The following OSGIN2 variants were observed in gnomAD, a reference collection of about 807,000 sequenced individuals.
OSGIN2 encodes oxidative stress-induced growth inhibitor 2.
Under a neutral mutation model 53.8 loss-of-function variants are expected in OSGIN2, and 19 were observed. The ratio of observed to expected loss-of-function variants is 0.35; its 90% CI spans 0.25 to 0.52. OSGIN2 has a LOEUF of 0.52. OSGIN2 is among the 20% of genes least tolerant of loss of function. The probability of loss-of-function intolerance (pLI) is 0.95; values close to 1 mark genes in which losing one functional copy is unlikely to be tolerated. For synonymous variants in OSGIN2, 236 were observed against 236.0 expected (o/e 1.00, Z 0.00); for missense variants, 520 against 662.7 (o/e 0.78, Z 2.36).
At chr8:89,913,984 G>C in intron 2 of OSGIN2, 93 bp from the exon 3 acceptor site, 1 of 1,030,494 alleles carries the variant, frequency 9.7e-7, no homozygotes, top group Non-Finnish European at 1.5e-6. Flanking sequence ...GAACTGGTCA[G>C]AGAAAAGAGC....
At chr8:89,902,962 C>G in intron 1 of OSGIN2, 125 bp downstream of exon 1, 3 of 274,666 alleles carry the variant, frequency 1.1e-5, no homozygotes, top group East Asian at 1.6e-4. Context: ...CCTCCCGCCT[C>G]GGCCGTCCTG....
chr8:89,915,576 C>T (rs977151915), intron 4 of OSGIN2, among the ~76,000 whole-genome samples: 2 of 152,168 alleles, frequency 1.3e-5, no homozygotes, highest in Admixed American at 6.5e-5. Context: ...AATAATTGTT[C>T]ATCCTTCCTG....
At chr8:89,905,443 ACT>A (rs1334708811) in intron 1 of OSGIN2, among the ~76,000 whole-genome samples, 2 of 152,230 alleles carry the variant, frequency 1.3e-5, no homozygotes, top group Admixed American at 1.3e-4. Flanking sequence ...AGAGATTAAC[ACT>A]GTTCATAGAC....
At position 89,925,032 on chromosome 8, in the gene OSGIN2, T is replaced by C. The variant is rs1226554282; in HGVS notation, c.1150T>C (p.Leu384=). The change falls in exon 6 of 6, where the codon TTA becomes CTA. Residue 384 remains leucine (L), a synonymous_variant. Transcript: ENST00000451899. ...TCGCAGACGAGTAACTGATCCAAGC[T>C]TAATTTTCAAACAGCTTCCCAAAAA... ...VFRRRVTDPS[L]IFKQLPKKLY... is the part of the protein sequence containing the mutation. 6.2e-7 allele frequency: 1 copy of C among 1,613,766 alleles called. No individual in the cohort carries two copies. The highest frequency in any genetic ancestry group is 1.7e-5 in the Admixed American group (1 of 60,010).
intron 1 of OSGIN2, among the ~76,000 whole-genome samples, chr8:89,904,379 A>G (rs1227007269): frequency 6.6e-6 from 1 of 152,250 alleles, no homozygotes; most frequent in Non-Finnish European, 1.5e-5. Context: ...TGCCGTGCAC[A>G]GAAATTTGGA....
intron 3 of OSGIN2, 84 bp from the exon 4 acceptor site, chr8:89,914,471 T>A: frequency 9.8e-7 from 1 of 1,017,558 alleles, no homozygotes; most frequent in South Asian, 1.6e-5. Flanking sequence ...CTTTTTATCA[T>A]TGGAGCATCA....
chr8:89,920,985 T>G (rs753135687), intron 4 of OSGIN2, 95 bp from the exon 5 acceptor site: 31 of 731,596 alleles, frequency 4.2e-5, no homozygotes, highest in Non-Finnish European at 6.9e-5. Context: ...TCATAATTAT[T>G]GTAAATGAGA....
chr8:89,906,658 G>C (rs141452014), intron 1 of OSGIN2, among the ~76,000 whole-genome samples: 2,455 of 152,182 alleles, frequency 0.016, 64 homozygotes, highest in African/African-American at 0.056. Flanking sequence ...TATGTACCAT[G>C]TTTTCTTTAT....
At position 89,921,181 on chromosome 8, in the gene OSGIN2, G is replaced by C; in HGVS notation, c.620+10G>C. The C allele has an allele frequency of 2.7e-6, 4 of 1,485,758 alleles. No homozygotes were observed. Among genetic ancestry groups the C allele is most frequent in the Non-Finnish European group, 3.7e-6 (4 of 1,082,952 alleles). 92.0% of individuals were successfully genotyped at this position (1,485,758 alleles called of 1,614,324 possible). A position where few individuals can be genotyped will look rare whatever the true frequency, so the allele number is the denominator to read the frequency against. On this transcript the variant is annotated intron_variant, in intron 5 of 5. Transcript: ENST00000451899. ...TATCAAGTAAACGAAGGTAAAGATTGAACTGTATTAAAATTCTTTGGTGTA... is the reference window on the plus strand; with the variant it reads ...TATCAAGTAAACGAAGGTAAAGATTCAACTGTATTAAAATTCTTTGGTGTA...
chr8:89,902,553 G>C (rs1808740312), upstream of OSGIN2: 1 of 153,158 alleles, frequency 6.5e-6, no homozygotes, highest in South Asian at 2.1e-4. Flanking sequence ...CTATCGCGGC[G>C]CCCCGAGATC....
At chr8:89,918,879 T>C (rs1809137886) in intron 4 of OSGIN2, among the ~76,000 whole-genome samples, 1 of 152,214 alleles carries the variant, frequency 6.6e-6, no homozygotes, top group Admixed American at 6.5e-5. Flanking sequence ...ATCTACTCTA[T>C]TTTGTTGCTA....
chr8:89,914,642 G>A lies in OSGIN2; in HGVS notation c.424G>A (p.Asp142Asn). The A allele has an allele frequency of 6.2e-7, 1 of 1,613,930 alleles. No individual in the cohort carries two copies. Among genetic ancestry groups the A allele is most frequent in the Non-Finnish European group, 8.5e-7 (1 of 1,179,804 alleles). ...CGATACACTTCTTCATCCAGATGCT[G>A]ACTTTGGGTATGATTATCCATCCGT... ...LFDTLLHPDADFGYDYPSVLH... is the reference protein window; with the variant it reads ...LFDTLLHPDANFGYDYPSVLH... Residue 142 changes from aspartate to asparagine, a missense_variant, in exon 4 of 6, where the codon GAC (aspartate) becomes AAC (asparagine). Around this residue, in one of 3 missense-constraint regions of OSGIN2, gnomAD observed 203 missense variants for 275.3 expected, o/e 0.74. Coordinates refer to ENST00000451899, the MANE Select transcript of OSGIN2 (RefSeq NM_001126111.3).
chr8:89,924,713 A>C lies in OSGIN2; in HGVS notation c.831A>C (p.Arg277Ser). Reference sequence around the variant, plus strand: ...TAGAGAAGTCAAACTTTATCAAGAGAAACTGGGAAATTAGGGGTTATCAGC... The same window carrying C: ...TAGAGAAGTCAAACTTTATCAAGAGCAACTGGGAAATTAGGGGTTATCAGC... ...LQIEKSNFIK[R>S]NWEIRGYQRI... Residue 277 changes from arginine to serine, a missense_variant, in exon 6 of 6, where the codon AGA (arginine) becomes AGC (serine). Around this residue, in one of 3 missense-constraint regions of OSGIN2, gnomAD observed 78 missense variants for 59.1 expected, o/e 1.32. Transcript: ENST00000451899. 2 of 1,614,188 alleles carry C rather than the reference A, an allele frequency of 1.2e-6. No individual in the cohort carries two copies. The highest frequency in any genetic ancestry group is 8.5e-7 in the Non-Finnish European group (1 of 1,179,998).
intron 1 of OSGIN2, among the ~76,000 whole-genome samples, chr8:89,907,772 T>C (rs923065739): frequency 7.2e-5 from 11 of 152,222 alleles, no homozygotes; most frequent in African/African-American, 2.7e-4. Context: ...AATTTTAAAA[T>C]AGTTTTTTCT....
chr8:89,916,233 T>G (rs1354121973), intron 4 of OSGIN2, among the ~76,000 whole-genome samples: 2 of 148,614 alleles, frequency 1.3e-5, no homozygotes, highest in African/African-American at 5.0e-5. Flanking sequence ...AGGCGATAAT[T>G]GATCTGTTTC....
At chr8:89,908,789 G>C (rs1808892421) in intron 1 of OSGIN2, among the ~76,000 whole-genome samples, 1 of 151,734 alleles carries the variant, frequency 6.6e-6, no homozygotes, top group Admixed American at 6.6e-5. Flanking sequence ...ATAACATTAA[G>C]AAATTATTTT....
chr8:89,908,306 G>A (rs879847186), intron 1 of OSGIN2, among the ~76,000 whole-genome samples: 1 of 152,156 alleles, frequency 6.6e-6, no homozygotes, highest in Non-Finnish European at 1.5e-5. Flanking sequence ...GTCAAAAGAG[G>A]CTATGTAAGG....
rs745642454 is a variant in OSGIN2 at position 89,914,252 on chromosome 8, T to C, written c.336+39T>C. 7 of 1,468,948 alleles carry C rather than the reference T, an allele frequency of 4.8e-6. No individual in the cohort carries two copies. In the South Asian group the frequency reaches 6.1e-5, roughly 13 times the overall value. The allele number at this position is 1,468,948 out of a possible 1,614,324, so 91.0% of individuals were successfully genotyped here. On this transcript the variant is annotated intron_variant, in intron 3 of 5. Coordinates refer to ENST00000451899, the MANE Select transcript of OSGIN2 (RefSeq NM_001126111.3). ...CATGTCAATTTAAAAAATTTTTTTA[T>C]GCTGAAACAAGATTAGTTTTTATTT...
intron 4 of OSGIN2, among the ~76,000 whole-genome samples, chr8:89,917,302 T>A (rs1809100189): frequency 6.6e-6 from 1 of 152,228 alleles, no homozygotes; most frequent in South Asian, 2.1e-4. Context: ...GATCACAGTT[T>A]CCTGTTCTTC....
Sources: gnomAD v4.1 joint callset for allele counts (sites outside exome capture counted in the v4.1 genomes callset) on GRCh38, gnomAD v4.1.1 for gene constraint, gnomAD v4.1.1 regional missense constraint, MANE v1.5 for transcripts, NCBI Gene and HGNC (gene_info 2026-07-23, HGNC 2026-07-21) for gene names.